Variants in IGSF21 observed in about 807,000 individuals in gnomAD.
IGSF21 encodes the protein immunoglobulin superfamily member 21.
Under a neutral mutation model 46.8 loss-of-function variants are expected in IGSF21, and 28 were observed. That is an observed-to-expected ratio of 0.60 (90% CI 0.44 to 0.82). IGSF21 has a LOEUF of 0.82. IGSF21 is among the 40% of genes least tolerant of loss of function. The pLI is 0.00. For missense variants in IGSF21, 624 were observed against 665.5 expected (o/e 0.94, Z 0.69); for synonymous variants, 284 against 273.6 (o/e 1.04, Z -0.38).
chr1:18,282,659 CACACACACACACAA>C (rs1466583166), intron 2 of IGSF21, among the ~76,000 whole-genome samples: 1 of 151,882 alleles, frequency 6.6e-6, no homozygotes, highest in African/African-American at 2.4e-5. Flanking sequence ...CACACACACA[CACACACACACACAA>C]ACACACACCC....
chr1:18,167,207 T>G (rs955947827), intron 1 of IGSF21, among the ~76,000 whole-genome samples: 2 of 152,062 alleles, frequency 1.3e-5, no homozygotes, highest in African/African-American at 4.8e-5. Flanking sequence ...GAAGGGTGTA[T>G]CTGAAGCAAG....
chr1:18,247,612 G>A (rs759055964), intron 2 of IGSF21, among the ~76,000 whole-genome samples: 1 of 152,200 alleles, frequency 6.6e-6, no homozygotes, highest in Admixed American at 6.5e-5. Context: ...GAGAAGTAAC[G>A]CCCCTGGATG....
chr1:18,206,504 G>T (rs976634396), intron 1 of IGSF21, among the ~76,000 whole-genome samples: 1 of 149,834 alleles, frequency 6.7e-6, no homozygotes, highest in South Asian at 2.1e-4. Flanking sequence ...AGCCATGATC[G>T]CACCACTGCA....
At chr1:18,324,065 G>A (rs1407749765) in intron 3 of IGSF21, among the ~76,000 whole-genome samples, 4 of 152,038 alleles carry the variant, frequency 2.6e-5, no homozygotes, top group African/African-American at 7.2e-5. Flanking sequence ...TACAACCTGG[G>A]AGACCTTCCA....
At chr1:18,127,766 G>A (rs567216239) in intron 1 of IGSF21, among the ~76,000 whole-genome samples, 4 of 152,176 alleles carry the variant, frequency 2.6e-5, no homozygotes, top group South Asian at 2.1e-4. Context: ...AAAATTAGCC[G>A]GGCATGGTGG....
At chr1:18,150,847 G>T (rs1028016503) in intron 1 of IGSF21, among the ~76,000 whole-genome samples, 1 of 152,230 alleles carries the variant, frequency 6.6e-6, no homozygotes, top group African/African-American at 2.4e-5. Flanking sequence ...ATTACACTCT[G>T]GATCATTCTG....
intron 2 of IGSF21, among the ~76,000 whole-genome samples, chr1:18,238,475 C>G (rs2084693718): frequency 6.6e-6 from 1 of 152,200 alleles, no homozygotes; most frequent in Admixed American, 6.5e-5. Flanking sequence ...GGCCACACAT[C>G]ACTGTTCTCC....
At position 18,266,678 on chromosome 1, in the gene IGSF21, C is replaced by T. The variant is rs186737068; in HGVS notation, c.184-25188C>T. ...CATGCATTGTCACCTCCCTGTTGGC[C>T]AGAGCATATCACATGGCCAGCCCAG... On this transcript the variant is annotated intron_variant, in intron 2 of 9. Coordinates refer to ENST00000251296, the MANE Select transcript of IGSF21 (RefSeq NM_032880.5). Among the ~76,000 whole-genome samples, 114 of 152,332 alleles carry T rather than the reference C, an allele frequency of 7.5e-4. No homozygotes were observed. In the South Asian group the frequency reaches 7.9e-3, roughly 11 times the overall value.
chr1:18,164,860 A>T (rs1392747217), intron 1 of IGSF21, among the ~76,000 whole-genome samples: 1 of 148,704 alleles, frequency 6.7e-6, no homozygotes, highest in South Asian at 2.2e-4. Context: ...CATTAGGTAT[A>T]TTTCCTAATG....
intron 3 of IGSF21, among the ~76,000 whole-genome samples, chr1:18,299,231 C>T (rs2085339547): frequency 6.6e-6 from 1 of 152,196 alleles, no homozygotes; most frequent in African/African-American, 2.4e-5. Flanking sequence ...ACTCTATGGG[C>T]AGACAATGGC....
chr1:18,253,581 G>A (rs924709197), intron 2 of IGSF21, among the ~76,000 whole-genome samples: 1 of 152,226 alleles, frequency 6.6e-6, no homozygotes, highest in African/African-American at 2.4e-5. Flanking sequence ...TTAATGCTTG[G>A]CAGGGAATCT....
At position 18,374,112 on chromosome 1, in the gene IGSF21, C is replaced by T. The variant is rs144744942; in HGVS notation, c.1016-2198C>T. Reference sequence around the variant, plus strand: ...TCCTGGCTGCAGCCAACAATGCCGCCCCAGCAGCACCTGAAGAACGTAAAG... The same window carrying T: ...TCCTGGCTGCAGCCAACAATGCCGCTCCAGCAGCACCTGAAGAACGTAAAG... On this transcript the variant is annotated intron_variant, in intron 6 of 9. Coordinates refer to ENST00000251296, the MANE Select transcript of IGSF21 (RefSeq NM_032880.5). 6.4e-3 allele frequency among the ~76,000 whole-genome samples: 976 copies of T among 152,306 alleles called. 10 individuals are homozygous for T. Among genetic ancestry groups the T allele is most frequent in the African/African-American group, 0.023 (946 of 41,580 alleles).
chr1:18,353,145 CT>C (rs1230045145), intron 4 of IGSF21, among the ~76,000 whole-genome samples: 15 of 148,316 alleles, frequency 1.0e-4, no homozygotes, highest in South Asian at 2.2e-4. Context: ...TTTGTTGTTG[CT>C]TTTTTTTTTC....
intron 1 of IGSF21, chr1:18,114,746 G>A (rs1184564581): frequency 3.9e-5 from 6 of 152,182 alleles, no homozygotes; most frequent in Admixed American, 3.9e-4. Flanking sequence ...GGAAAATGAG[G>A]CCCAGGAAGA....
chr1:18,280,322 C>T (rs2085146944), intron 2 of IGSF21, among the ~76,000 whole-genome samples: 1 of 152,168 alleles, frequency 6.6e-6, no homozygotes, highest in Non-Finnish European at 1.5e-5. Context: ...GGTCTCTTCT[C>T]TCCAACCCAA....
chr1:18,206,883 G>A (rs1377845996), intron 1 of IGSF21, among the ~76,000 whole-genome samples: 2 of 152,194 alleles, frequency 1.3e-5, no homozygotes, highest in African/African-American at 4.8e-5. Context: ...CTATTGCTGT[G>A]TAACAAATTA....
intron 2 of IGSF21, among the ~76,000 whole-genome samples, chr1:18,252,326 G>C (rs2084851322): frequency 6.6e-6 from 1 of 152,186 alleles, no homozygotes; most frequent in Admixed American, 6.5e-5. Context: ...TGGGATTACA[G>C]ACATGAGCCA....
intron 1 of IGSF21, among the ~76,000 whole-genome samples, chr1:18,173,942 A>G (rs2086769159): frequency 6.6e-6 from 1 of 152,086 alleles, no homozygotes; most frequent in East Asian, 1.9e-4. Context: ...TTAGTAGAGA[A>G]AGAGTTTCAC....
intron 2 of IGSF21, among the ~76,000 whole-genome samples, chr1:18,278,068 A>C (rs1053671454): frequency 2.6e-4 from 40 of 152,150 alleles, no homozygotes; most frequent in African/African-American, 9.4e-4. Context: ...TTGAACTCTA[A>C]ATAGAAGGTT....
Sources: allele counts gnomAD v4.1 joint callset (sites outside exome capture counted in the v4.1 genomes callset), GRCh38; gene constraint gnomAD v4.1.1; transcripts MANE v1.5; gene names NCBI Gene and HGNC (gene_info 2026-07-23, HGNC 2026-07-21).